ASTN2: variants seen among roughly 807,000 people sequenced by gnomAD.
ASTN2 encodes the protein astrotactin 2.
Under a neutral mutation model 139.8 loss-of-function variants are expected in ASTN2, and 54 were observed. That is an observed-to-expected ratio of 0.39 (90% confidence interval 0.31 to 0.48). The LOEUF (loss-of-function observed/expected upper bound fraction) is 0.48, where lower values mean the gene tolerates loss of function less well. Ranked by LOEUF, ASTN2 falls within the 20% of genes least tolerant of loss-of-function variation. The probability of loss-of-function intolerance (pLI) is 0.95; values close to 1 mark genes in which losing one functional copy is unlikely to be tolerated. For synonymous variants in ASTN2, 756 were observed against 719.5 expected, an observed-to-expected ratio of 1.05 and a Z score of -0.81; for missense variants, 1,565 against 1,725.1, an observed-to-expected ratio of 0.91 and a Z score of 1.64.
At chr9:117,274,257 G>A (rs1296754826) in intron 2 of ASTN2, among the ~76,000 whole-genome samples, 1 of 152,196 alleles carries the variant, frequency 6.6e-6, no homozygotes, top group South Asian at 2.1e-4. Context: ...GGCTGAGGCA[G>A]GAGAATCGCC....
At chr9:116,455,262 T>C (rs1194669778) in intron 20 of ASTN2, among the ~76,000 whole-genome samples, 1 of 151,072 alleles carries the variant, frequency 6.6e-6, no homozygotes, top group Non-Finnish European at 1.5e-5. Flanking sequence ...GGCAGGAGAA[T>C]TGCTTGAACC....
chr9:117,075,702 C>T lies in ASTN2; in HGVS notation c.1276+20342G>A, dbSNP rs913183142. ...TATTTAGCTCCATCTTTGCCACTGA[C>T]CTTCTATATAATTTGAGGTAAAAAT... On this transcript the variant is annotated intron_variant, in intron 5 of 22. Transcript: ENST00000313400. 7.2e-5 allele frequency among the ~76,000 whole-genome samples: 11 copies of T among 152,116 alleles called. 1 individual carries two copies. The highest frequency in any genetic ancestry group is 1.3e-4 in the Non-Finnish European group (9 of 68,028).
intron 2 of ASTN2, among the ~76,000 whole-genome samples, chr9:117,231,338 C>T (rs1278608316): frequency 6.6e-6 from 1 of 152,192 alleles, no homozygotes; most frequent in Non-Finnish European, 1.5e-5. Flanking sequence ...CCATCCCTGA[C>T]TAGTCCTTCT....
chr9:117,056,378 C>G lies in ASTN2; in HGVS notation c.1277-16413G>C, dbSNP rs1222238736. Among the ~76,000 whole-genome samples the G allele has an allele frequency of 1.1e-4, 17 of 152,142 alleles. 1 individual carries two copies. The highest frequency in any genetic ancestry group is 1.1e-3 in the Admixed American group (17 of 15,282). ...AAACCTTCAAGTTTAGAAGAGACTT[C>G]CATTCATCTAGAAAACATTTCCCAC... On this transcript the variant is annotated intron_variant, in intron 5 of 22. Transcript: ENST00000313400.
rs188510836 is a variant in ASTN2, at chr9:117,367,140, C to T, written c.442+47357G>A. Among the ~76,000 whole-genome samples the T allele has an allele frequency of 2.1e-3, 316 of 152,274 alleles. 2 individuals carry two copies. The highest frequency in any genetic ancestry group is 7.0e-3 in the African/African-American group (289 of 41,548). The stretch of plus-strand genomic sequence containing the variant: ...TCACAGCAGAATAGAGGCTGTCTTA[C>T]ATAGACTTGCTATTTCCCCATTTTG... On this transcript the variant is annotated intron_variant, in intron 1 of 22. Transcript: ENST00000313400.
At chr9:116,765,476 T>C (rs12338231) in intron 13 of ASTN2, among the ~76,000 whole-genome samples, 51,919 of 151,990 alleles carry the variant, frequency 0.34, 10,147 homozygotes, top group African/African-American at 0.54. Context: ...CATTTAAATA[T>C]GCATATCTCT....
intron 2 of ASTN2, among the ~76,000 whole-genome samples, chr9:117,241,608 A>G (rs778943085): frequency 2.0e-5 from 3 of 152,178 alleles, no homozygotes; most frequent in Admixed American, 6.5e-5. Context: ...TCGTGGTCCT[A>G]TGAGAATCTA....
At chr9:116,731,772 G>A (rs1828792025) in intron 14 of ASTN2, among the ~76,000 whole-genome samples, 1 of 152,176 alleles carries the variant, frequency 6.6e-6, no homozygotes, top group African/African-American at 2.4e-5. Flanking sequence ...GAGCAAAACT[G>A]TCCAAGGACA....
chr9:116,644,991 T>C (rs897908300), intron 17 of ASTN2, among the ~76,000 whole-genome samples: 1 of 152,178 alleles, frequency 6.6e-6, no homozygotes, highest in Non-Finnish European at 1.5e-5. Flanking sequence ...GGACAGAGCC[T>C]AGTTCAGATT....
At chr9:116,881,132 A>C (rs569130495) in intron 10 of ASTN2, among the ~76,000 whole-genome samples, 1 of 152,318 alleles carries the variant, frequency 6.6e-6, no homozygotes, top group East Asian at 1.9e-4. Context: ...AATGTGGAAG[A>C]GGAGGAGGAG....
intron 2 of ASTN2, among the ~76,000 whole-genome samples, chr9:117,285,182 A>G (rs1317503850): frequency 6.6e-6 from 1 of 152,002 alleles, no homozygotes; most frequent in Non-Finnish European, 1.5e-5. Context: ...TTGTTCAGAA[A>G]CCTAGCCTTT....
chr9:116,932,604 T>C (rs1834933184), intron 10 of ASTN2, among the ~76,000 whole-genome samples: 1 of 152,004 alleles, frequency 6.6e-6, no homozygotes, highest in African/African-American at 2.4e-5. Context: ...GAACACCCCA[T>C]GAGAGCTAGA....
chr9:116,660,546 T>C (rs1233595236), intron 16 of ASTN2, among the ~76,000 whole-genome samples: 1 of 152,144 alleles, frequency 6.6e-6, no homozygotes, highest in East Asian at 1.9e-4. Flanking sequence ...TAATGAAAAA[T>C]ATCCAATGCT....
intron 11 of ASTN2, among the ~76,000 whole-genome samples, chr9:116,834,384 G>C (rs889668749): frequency 6.6e-5 from 10 of 152,102 alleles, no homozygotes; most frequent in African/African-American, 9.7e-5. Flanking sequence ...GTTTTGGAAA[G>C]GGGTATTGAA....
intron 22 of ASTN2, among the ~76,000 whole-genome samples, chr9:116,439,047 T>C (rs2118865617): frequency 6.6e-6 from 1 of 152,318 alleles, no homozygotes; most frequent in Middle Eastern, 3.4e-3. Context: ...CTGCTAGAAT[T>C]GAACAACATT....
At chr9:116,488,298 C>G (rs1849404921) in intron 19 of ASTN2, among the ~76,000 whole-genome samples, 1 of 152,100 alleles carries the variant, frequency 6.6e-6, no homozygotes, top group South Asian at 2.1e-4. Flanking sequence ...AACTGAACAT[C>G]TAGACTCTTG....
chr9:117,146,409 G>A (rs1830196934), intron 3 of ASTN2, among the ~76,000 whole-genome samples: 1 of 149,394 alleles, frequency 6.7e-6, no homozygotes, highest in Non-Finnish European at 1.5e-5. Context: ...GAGGAAGAAA[G>A]CCCTGGTCCC....
At chr9:116,801,316 C>G (rs1830839353) in intron 13 of ASTN2, among the ~76,000 whole-genome samples, 1 of 152,004 alleles carries the variant, frequency 6.6e-6, no homozygotes, top group African/African-American at 2.4e-5. Flanking sequence ...GGCGGGGTGG[C>G]TCACGCCTGT....
chr9:117,074,237 G>T (rs563768498), intron 5 of ASTN2, among the ~76,000 whole-genome samples: 9 of 152,270 alleles, frequency 5.9e-5, no homozygotes, highest in African/African-American at 2.2e-4. Flanking sequence ...GCCCCATGTT[G>T]CCCGTTCTCT....
Sources: gnomAD v4.1 joint callset for allele counts (sites outside exome capture counted in the v4.1 genomes callset) on GRCh38, gnomAD v4.1.1 for gene constraint, MANE v1.5 for transcripts, NCBI Gene and HGNC (gene_info 2026-07-23, HGNC 2026-07-21) for gene names.